The following ABLIM1 variants were observed in gnomAD, a reference collection of about 807,000 sequenced individuals.
ABLIM1 encodes the protein actin-binding LIM protein 1.
In ABLIM1, 40 loss-of-function variants were observed where a neutral mutation model predicts 107.0. The observed-to-expected ratio is 0.37, with a 90% CI of 0.29 to 0.49. The LOEUF (loss-of-function observed/expected upper bound fraction) is 0.49, where lower values mean the gene tolerates loss of function less well. Ranked by LOEUF, ABLIM1 falls within the 20% of genes least tolerant of loss-of-function variation. The pLI is 0.97. For missense variants in ABLIM1, 857 were observed against 1,008.5 expected, an observed-to-expected ratio of 0.85 and a Z score of 2.04; for synonymous variants, 357 against 357.3, an observed-to-expected ratio of 1.00 and a Z score of 0.01.
At chr10:114,709,871 G>A (rs808257) in intron 1 of ABLIM1, among the ~76,000 whole-genome samples, 7,753 of 152,172 alleles carry the variant, frequency 0.051, 242 homozygotes, top group Middle Eastern at 0.092. Flanking sequence ...TCACTTTGAT[G>A]TTTAACTTTG....
chr10:114,538,974 T>A (rs1258671849), intron 6 of ABLIM1, among the ~76,000 whole-genome samples: 1 of 152,250 alleles, frequency 6.6e-6, no homozygotes, highest in Non-Finnish European at 1.5e-5. Context: ...CAAAACCTTT[T>A]CCTTTACCCT....
chr10:114,463,056 G>A (rs2064278492), intron 12 of ABLIM1: 1 of 1,340,020 alleles, frequency 7.5e-7, no homozygotes, highest in Admixed American at 2.1e-5. Context: ...TTTGATATGG[G>A]GAATGAAGTG....
At chr10:114,776,311 T>C in the ABLIM1 span, 1 of 152,322 alleles carries the variant, frequency 6.6e-6, no homozygotes, top group South Asian at 2.1e-4. Flanking sequence ...TATTTTTTCC[T>C]TTGTTAAAAA....
At chr10:114,453,562 T>C in intron 12 of ABLIM1, 79 bp from the exon 13 acceptor site, 1 of 1,239,892 alleles carries the variant, frequency 8.1e-7, no homozygotes, top group South Asian at 1.7e-5. Flanking sequence ...GTAATAAAAA[T>C]TCAAAACAAC....
intron 6 of ABLIM1, among the ~76,000 whole-genome samples, chr10:114,510,377 G>C (rs2061683868): frequency 6.6e-6 from 1 of 150,454 alleles, no homozygotes; most frequent in African/African-American, 2.5e-5. Context: ...TTCTTGACTT[G>C]AATATACATT....
chr10:114,440,062 A>G lies in ABLIM1; in HGVS notation c.2067+20T>C. ...GTTCTATCGGTGTGGCCAATTCAAG[A>G]AAGACAAAGTGTTCCATACCTGGTA... On this transcript the variant is annotated intron_variant, in intron 20 of 22. Coordinates refer to ENST00000533213, the MANE Select transcript of ABLIM1 (RefSeq NM_002313.7). 6.2e-7 allele frequency: 1 copy of G among 1,613,942 alleles called. No homozygotes were observed. The highest frequency in any genetic ancestry group is 1.7e-5 in the Admixed American group (1 of 60,028).
intron 10 of ABLIM1, among the ~76,000 whole-genome samples, chr10:114,468,909 A>G (rs571081090): frequency 1.4e-4 from 21 of 151,900 alleles, no homozygotes; most frequent in South Asian, 1.3e-3. Flanking sequence ...AAAATTAGCC[A>G]GGCGCGGTGG....
chr10:114,566,786 C>T (rs186980953), intron 4 of ABLIM1, among the ~76,000 whole-genome samples: 6 of 152,198 alleles, frequency 3.9e-5, no homozygotes, highest in Middle Eastern at 3.2e-3. Flanking sequence ...TGGTGGCTCA[C>T]GCCTGTAATC....
chr10:114,646,205 T>C (rs1219013832), intron 1 of ABLIM1, among the ~76,000 whole-genome samples: 1 of 152,194 alleles, frequency 6.6e-6, no homozygotes, highest in Admixed American at 6.5e-5. Flanking sequence ...GATTACACAA[T>C]ATTTCCTCTT....
rs2064254129 is a variant in ABLIM1, at chr10:114,462,940, C to A, written c.1441+2758G>T. The A allele has an allele frequency of 4.9e-6, 6 of 1,232,336 alleles. No individual in the cohort carries two copies. The South Asian group carries it at 7.6e-5, about 16-fold the overall frequency. The allele number at this position is 1,232,336 out of a possible 1,614,324, so 76.3% of individuals were successfully genotyped here. On this transcript the variant is annotated intron_variant, in intron 12 of 22. Coordinates refer to ENST00000533213, the MANE Select transcript of ABLIM1 (RefSeq NM_002313.7). Reference sequence around the variant, plus strand: ...GACACACGCAGGCATGCTGAGAGCTCAAAAGCTCGGCACTAACTCTTGGAG... The same window carrying A: ...GACACACGCAGGCATGCTGAGAGCTAAAAAGCTCGGCACTAACTCTTGGAG...
intron 2 of ABLIM1, among the ~76,000 whole-genome samples, chr10:114,579,968 G>A (rs1471602207): frequency 3.3e-5 from 5 of 152,024 alleles, no homozygotes; most frequent in Admixed American, 2.0e-4. Flanking sequence ...TTCATTATCC[G>A]GGGAGACTAG....
intron 22 of ABLIM1, among the ~76,000 whole-genome samples, chr10:114,436,843 C>T (rs915544106): frequency 6.6e-6 from 1 of 152,010 alleles, no homozygotes; most frequent in Admixed American, 6.6e-5. Context: ...GTCATTCCCC[C>T]CTAGAAAAGT....
intron 1 of ABLIM1, among the ~76,000 whole-genome samples, chr10:114,670,351 G>A (rs1165209686): frequency 6.6e-6 from 1 of 152,086 alleles, no homozygotes; most frequent in African/African-American, 2.4e-5. Context: ...TCAACTCAGT[G>A]ATTGTTTCTC....
intron 1 of ABLIM1, among the ~76,000 whole-genome samples, chr10:114,614,522 C>T (rs751028380): frequency 6.6e-6 from 1 of 152,106 alleles, no homozygotes; most frequent in Non-Finnish European, 1.5e-5. Context: ...ATCTCTGCTA[C>T]CTTTTTAGGA....
chr10:114,737,139 C>T lies in ABLIM1; in HGVS notation c.-213+30922G>A, dbSNP rs548309827. ...AGGAGTTCAAGACCAGCCTGGCCAACATGGGAAAACTCCATCTCTACTAAA... is the reference window on the plus strand; with the variant it reads ...AGGAGTTCAAGACCAGCCTGGCCAATATGGGAAAACTCCATCTCTACTAAA... On this transcript the variant is annotated intron_variant, in intron 1 of 15. Coordinates refer to the ABLIM1 transcript ENST00000651092. Among the ~76,000 whole-genome samples, 5 of 152,198 alleles carry T rather than the reference C, an allele frequency of 3.3e-5. No homozygotes were observed. In the East Asian group the frequency reaches 7.8e-4, roughly 24 times the overall value.
At chr10:114,553,982 G>A (rs2068404877) in intron 4 of ABLIM1, among the ~76,000 whole-genome samples, 1 of 152,214 alleles carries the variant, frequency 6.6e-6, no homozygotes, top group African/African-American at 2.4e-5. Context: ...TGCCTGCTAA[G>A]TAGGGGGACT....
chr10:114,566,459 A>G (rs1208240378), intron 4 of ABLIM1, among the ~76,000 whole-genome samples: 1 of 152,162 alleles, frequency 6.6e-6, no homozygotes, highest in East Asian at 1.9e-4. Flanking sequence ...CCCTCTCTCC[A>G]TTATTGGTAA....
intron 1 of ABLIM1, among the ~76,000 whole-genome samples, chr10:114,645,825 G>A (rs889983425): frequency 2.0e-5 from 3 of 152,036 alleles, no homozygotes; most frequent in African/African-American, 7.3e-5. Flanking sequence ...CCCCCAAAAT[G>A]TCCTTTTGGC....
At chr10:114,773,152 A>G in the ABLIM1 span, among the ~76,000 whole-genome samples, 1 of 152,088 alleles carries the variant, frequency 6.6e-6, no homozygotes, top group East Asian at 1.9e-4. Context: ...TGGAGAAAAG[A>G]CTACATTTGA....
Sources: gnomAD v4.1 joint callset for allele counts (sites outside exome capture counted in the v4.1 genomes callset) on GRCh38, gnomAD v4.1.1 for gene constraint, MANE v1.5 for transcripts, NCBI Gene and HGNC (gene_info 2026-07-23, HGNC 2026-07-21) for gene names.